VWA8: variants seen among roughly 807,000 people sequenced by gnomAD.
VWA8 encodes von Willebrand factor A domain containing 8.
VWA8 carries 221 observed loss-of-function variants against 241.5 expected under a neutral mutation model. The ratio of observed to expected loss-of-function variants is 0.91; its 90% confidence interval spans 0.82 to 1.02. The LOEUF is 1.02. Among genes scored for constraint, VWA8 ranks in the 50% least tolerant of loss-of-function variants. VWA8 has a pLI of 0.00. For missense variants in VWA8, 2,322 were observed against 2,328.7 expected, an observed-to-expected ratio of 1.00 and a Z score of 0.06; for synonymous variants, 852 against 827.1, an observed-to-expected ratio of 1.03 and a Z score of -0.52.
Position 41,961,023 on chromosome 13 carries a change from G to A in VWA8, c.-8C>T, listed in dbSNP as rs766549913. 5.1e-5 allele frequency: 70 copies of A among 1,364,758 alleles called. No individual in the cohort carries two copies. Among genetic ancestry groups the A allele is most frequent in the Non-Finnish European group, 6.5e-5 (69 of 1,066,132 alleles). 84.5% of individuals were successfully genotyped at this position (1,364,758 alleles called of 1,614,324 possible). On this transcript the variant is annotated 5_prime_UTR_variant, in exon 1 of 45. Coordinates refer to ENST00000379310, the MANE Select transcript of VWA8 (RefSeq NM_015058.2). Reference sequence around the variant, plus strand: ...TAGAAGCCGGGATTGCATGGCGCCGGGGGGGCTGTCGGGGACGGCGAGGGG... The same window carrying A: ...TAGAAGCCGGGATTGCATGGCGCCGAGGGGGCTGTCGGGGACGGCGAGGGG...
At chr13:41,955,254 GCAAATGTATGCCTTTCTT>G (rs1166262757) in intron 1 of VWA8, among the ~76,000 whole-genome samples, 1 of 152,062 alleles carries the variant, frequency 6.6e-6, no homozygotes, top group African/African-American at 2.4e-5. Flanking sequence ...GGCAAAAGAA[GCAAATGTATGCCTTTCTT>G]CATGTAAACT....
rs374200934 is a variant in VWA8 at position 41,689,439 on chromosome 13, A to C, written c.4046T>G (p.Val1349Gly). The C allele has an allele frequency of 4.3e-6, 7 of 1,612,000 alleles. No individual in the cohort carries two copies. In the African/African-American group the frequency reaches 9.4e-5, roughly 22 times the overall value. Reference protein sequence around the residue: ...QLSSEHLSSAVEQKIASPNRI... With the variant: ...QLSSEHLSSAGEQKIASPNRI... ...GTTGGGAGAGGCAATCTTTTGTTCC[A>C]CAGCTGAACTTAGATGTTCAGATGA... The change falls in exon 34 of 45, where the codon GTG becomes GGG. Residue 1349 changes from valine (V) to glycine (G), a missense_variant. Coordinates refer to ENST00000379310, the MANE Select transcript of VWA8 (RefSeq NM_015058.2).
intron 2 of VWA8, among the ~76,000 whole-genome samples, chr13:41,918,172 T>C (rs1876347421): frequency 6.6e-6 from 1 of 152,204 alleles, no homozygotes; most frequent in Non-Finnish European, 1.5e-5. Context: ...AAAATAAGGT[T>C]CTTTGAAGAC....
intron 9 of VWA8, among the ~76,000 whole-genome samples, chr13:41,872,038 G>T (rs1209256179): frequency 1.3e-5 from 2 of 152,178 alleles, no homozygotes; most frequent in African/African-American, 4.8e-5. Flanking sequence ...GTTTTGATCT[G>T]CATTTCTCTG....
At chr13:41,882,183 C>A (rs965864244) in intron 9 of VWA8, among the ~76,000 whole-genome samples, 2 of 150,496 alleles carry the variant, frequency 1.3e-5, no homozygotes, top group Non-Finnish European at 3.0e-5. Context: ...AGGGCAGAGG[C>A]TCTCCCCACA....
intron 20 of VWA8, among the ~76,000 whole-genome samples, chr13:41,761,458 A>G (rs143329627): frequency 1.1e-4 from 16 of 152,160 alleles, no homozygotes; most frequent in African/African-American, 3.9e-4. Flanking sequence ...AGCCTCCTAC[A>G]TATTGACTTT....
At chr13:41,840,669 G>C (rs1003252687) in intron 12 of VWA8, among the ~76,000 whole-genome samples, 6 of 151,760 alleles carry the variant, frequency 4.0e-5, no homozygotes, top group African/African-American at 1.5e-4. Context: ...TGAGGCACAA[G>C]GATCACTTGA....
chr13:41,723,832 G>A (rs2045411326), intron 24 of VWA8, among the ~76,000 whole-genome samples: 1 of 152,098 alleles, frequency 6.6e-6, no homozygotes, highest in Admixed American at 6.6e-5. Context: ...CTGGGTTGGA[G>A]ATGAATATTT....
intron 17 of VWA8, among the ~76,000 whole-genome samples, chr13:41,793,429 T>C (rs1869542188): frequency 6.6e-6 from 1 of 152,102 alleles, no homozygotes; most frequent in Admixed American, 6.6e-5. Flanking sequence ...ATCTCAGAAA[T>C]AAACATTACC....
At chr13:41,927,026 T>C in intron 2 of VWA8, 1 of 403,406 alleles carries the variant, frequency 2.5e-6, no homozygotes, top group South Asian at 2.0e-5. Context: ...AGAGAATCTG[T>C]CCAAGCACTT....
chr13:41,693,686 AAAAT>A (rs1452486468), intron 29 of VWA8, among the ~76,000 whole-genome samples: 1 of 152,052 alleles, frequency 6.6e-6, no homozygotes, highest in Non-Finnish European at 1.5e-5. Flanking sequence ...TTTTTTTAAG[AAAAT>A]AAATAAACCT....
intron 35 of VWA8, among the ~76,000 whole-genome samples, 194 bp downstream of exon 35, chr13:41,684,853 G>A (rs1445989708): frequency 6.6e-6 from 1 of 152,088 alleles, no homozygotes; most frequent in African/African-American, 2.4e-5. Flanking sequence ...TAACAGCAGT[G>A]GCCACAACCA....
intron 37 of VWA8, among the ~76,000 whole-genome samples, chr13:41,664,245 T>A (rs1240918515): frequency 6.6e-6 from 1 of 152,138 alleles, no homozygotes; most frequent in Non-Finnish European, 1.5e-5. Context: ...CTCTTTAGTT[T>A]CCAATGCTGC....
intron 42 of VWA8, among the ~76,000 whole-genome samples, chr13:41,583,536 G>A (rs1458083672): frequency 2.0e-5 from 3 of 151,606 alleles, no homozygotes; most frequent in Non-Finnish European, 4.4e-5. Context: ...CTAGGTACTC[G>A]GGAGGCTGAG....
chr13:41,819,536 G>A (rs1295168799), intron 14 of VWA8, 150 bp from the exon 15 acceptor site: 2 of 859,506 alleles, frequency 2.3e-6, no homozygotes, highest in Non-Finnish European at 3.4e-6. Context: ...AAAAAACAAA[G>A]TCAGGACATT....
chr13:41,869,154 G>C (rs1216536129), intron 9 of VWA8, among the ~76,000 whole-genome samples: 2 of 152,084 alleles, frequency 1.3e-5, no homozygotes, highest in Non-Finnish European at 2.9e-5. Context: ...GCCCATATTG[G>C]TTTATTCTTT....
At position 41,860,247 on chromosome 13, in the gene VWA8, G is replaced by A. The variant is rs184574002; in HGVS notation, c.1425+5489C>T. ...TTTTCTCTAAAAATTAATGAGCAGA[G>A]AAGCAAAATGGGAAAAAAGAAAAGG... is the stretch of plus-strand genomic sequence containing the variant. On this transcript the variant is annotated intron_variant, in intron 12 of 44. Transcript: ENST00000379310. Among the ~76,000 whole-genome samples the A allele has an allele frequency of 1.7e-3, 263 of 152,238 alleles. 2 individuals are homozygous for A. The highest frequency in any genetic ancestry group is 5.8e-3 in the African/African-American group (242 of 41,544).
At chr13:41,576,126 C>T (rs536961143) in intron 42 of VWA8, among the ~76,000 whole-genome samples, 66 of 152,264 alleles carry the variant, frequency 4.3e-4, no homozygotes, top group Non-Finnish European at 6.8e-4. Context: ...TGAGGTAGTT[C>T]CCTCCAACTT....
At position 41,923,431 on chromosome 13, in the gene VWA8, T is replaced by C. The variant is rs113443831; in HGVS notation, c.242-11263A>G. 2.9e-3 allele frequency among the ~76,000 whole-genome samples: 438 copies of C among 152,106 alleles called. 1 individual carries two copies. Among genetic ancestry groups the C allele is most frequent in the African/African-American group, 0.01 (422 of 41,490 alleles). On this transcript the variant is annotated intron_variant, in intron 2 of 44. Coordinates refer to ENST00000379310, the MANE Select transcript of VWA8 (RefSeq NM_015058.2). Reference sequence around the variant, plus strand: ...CACATGTACCCTAGAACTTAAAGTATAATTTAAAAAAAAAGTGCTTCAGAG... The same window carrying C: ...CACATGTACCCTAGAACTTAAAGTACAATTTAAAAAAAAAGTGCTTCAGAG...
Sources: gnomAD v4.1 joint callset for allele counts (sites outside exome capture counted in the v4.1 genomes callset) on GRCh38, gnomAD v4.1.1 for gene constraint, MANE v1.5 for transcripts, NCBI Gene and HGNC (gene_info 2026-07-23, HGNC 2026-07-21) for gene names.